The following CSMD1 variants were observed in gnomAD, a reference collection of about 807,000 sequenced individuals.
CSMD1 encodes the protein CUB and Sushi multiple domains 1.
CSMD1 carries 213 observed loss-of-function variants against 417.5 expected under a neutral mutation model. That is an observed-to-expected ratio of 0.51 (90% CI 0.46 to 0.57). The LOEUF is 0.57. CSMD1 is among the 20% of genes least tolerant of loss of function. CSMD1 has a pLI of 0.00. For missense variants in CSMD1, 6,923 were observed against 4,529.7 expected (o/e 1.53, Z -15.17); for synonymous variants, 2,862 against 1,736.8 (o/e 1.65, Z -16.11).
intron 50 of CSMD1, among the ~76,000 whole-genome samples, chr8:3,045,907 C>G (rs1811402190): frequency 6.6e-6 from 1 of 152,084 alleles, no homozygotes. Flanking sequence ...CTATTGGAAG[C>G]AAGAGTGGAA....
chr8:3,307,179 G>A (rs931062614), intron 25 of CSMD1, among the ~76,000 whole-genome samples: 5 of 151,996 alleles, frequency 3.3e-5, no homozygotes, highest in Non-Finnish European at 1.5e-5. Flanking sequence ...CTTTGACAAA[G>A]GGCACCTTAG....
chr8:3,771,745 G>A (rs1002625715), intron 5 of CSMD1, among the ~76,000 whole-genome samples: 4 of 152,186 alleles, frequency 2.6e-5, no homozygotes, highest in African/African-American at 9.7e-5. Context: ...CATTGACTGT[G>A]TGTGTTCAAA....
At chr8:3,906,186 G>T (rs1454798075) in intron 5 of CSMD1, among the ~76,000 whole-genome samples, 1 of 152,058 alleles carries the variant, frequency 6.6e-6, no homozygotes, top group South Asian at 2.1e-4. Flanking sequence ...ATGGGTTAAT[G>T]TAAGTGAATC....
intron 2 of CSMD1, among the ~76,000 whole-genome samples, chr8:4,466,343 G>A (rs1165408752): frequency 1.3e-5 from 2 of 152,080 alleles, no homozygotes; most frequent in South Asian, 2.1e-4. Flanking sequence ...AAGAAAAGTT[G>A]ACAGAGGTTG....
intron 5 of CSMD1, among the ~76,000 whole-genome samples, chr8:3,800,734 G>C (rs1800408665): frequency 6.6e-6 from 1 of 152,082 alleles, no homozygotes; most frequent in African/African-American, 2.4e-5. Flanking sequence ...TGAAGGAAAA[G>C]ATTAGTTTTG....
rs190016517 is a variant in CSMD1, at chr8:4,470,764, C to A, written c.303-50699G>T. Among the ~76,000 whole-genome samples the A allele has an allele frequency of 2.6e-5, 4 of 152,182 alleles. No homozygotes were observed. In the East Asian group the frequency reaches 5.8e-4, roughly 22 times the overall value. On this transcript the variant is annotated intron_variant, in intron 2 of 69. Coordinates refer to ENST00000635120, the MANE Select transcript of CSMD1 (RefSeq NM_033225.6). ...AACACCATGAATGACTTAATTGGACCCAGATTATTTAGACAATATTTAAGG... is the reference window on the plus strand; with the variant it reads ...AACACCATGAATGACTTAATTGGACACAGATTATTTAGACAATATTTAAGG...
At chr8:3,895,119 G>A (rs761495784) in intron 5 of CSMD1, among the ~76,000 whole-genome samples, 1 of 152,146 alleles carries the variant, frequency 6.6e-6, no homozygotes, top group Non-Finnish European at 1.5e-5. Flanking sequence ...GATTAAATGT[G>A]ATTCATGAAT....
At chr8:2,956,416 T>C (rs1803011704) in intron 63 of CSMD1, among the ~76,000 whole-genome samples, 1 of 152,014 alleles carries the variant, frequency 6.6e-6, no homozygotes, top group Non-Finnish European at 1.5e-5. Flanking sequence ...GACATATTAT[T>C]ATAAAACAAG....
chr8:3,471,751 G>T (rs1261236246), intron 11 of CSMD1, among the ~76,000 whole-genome samples: 1 of 145,284 alleles, frequency 6.9e-6, no homozygotes, highest in African/African-American at 2.5e-5. Flanking sequence ...CCTAAGATAA[G>T]TGAATATATA....
intron 3 of CSMD1, among the ~76,000 whole-genome samples, chr8:4,086,721 A>T (rs2130832771): frequency 6.6e-6 from 1 of 152,366 alleles, no homozygotes; most frequent in Non-Finnish European, 1.5e-5. Flanking sequence ...TAGATAGATG[A>T]CATTGACAAG....
chr8:2,950,637 ATC>A (rs1303446848), intron 66 of CSMD1, among the ~76,000 whole-genome samples: 1 of 152,140 alleles, frequency 6.6e-6, no homozygotes, highest in East Asian at 1.9e-4. Flanking sequence ...TAATTAAAAA[ATC>A]TCTCTCTAAA....
At chr8:3,332,029 G>C (rs1321247294) in intron 23 of CSMD1, among the ~76,000 whole-genome samples, 1 of 152,142 alleles carries the variant, frequency 6.6e-6, no homozygotes, top group Non-Finnish European at 1.5e-5. Flanking sequence ...GATGGATATA[G>C]ACAGAATGAT....
intron 3 of CSMD1, among the ~76,000 whole-genome samples, chr8:4,419,200 G>A (rs1033801986): frequency 3.9e-5 from 6 of 152,134 alleles, no homozygotes; most frequent in Non-Finnish European, 7.4e-5. Flanking sequence ...TAAATTTACA[G>A]ACTCCAGAGT....
intron 3 of CSMD1, among the ~76,000 whole-genome samples, chr8:4,059,551 C>A (rs1486630277): frequency 6.6e-6 from 1 of 151,448 alleles, no homozygotes; most frequent in Non-Finnish European, 1.5e-5. Flanking sequence ...GCTAGCAAGA[C>A]TAATAAAGAA....
Position 3,439,309 on chromosome 8 carries a change from ATTT to A in CSMD1, c.1561+29400_1561+29402del, listed in dbSNP as rs1554552766. On this transcript the variant is annotated intron_variant, in intron 12 of 69. Transcript: ENST00000635120. ...TATATATATATATATATATATATAT[ATTT>A]TTTTTTTTAATATGTATTTTTAATT... is the stretch of plus-strand genomic sequence containing the variant. Among the ~76,000 whole-genome samples, 23 of 62,430 alleles carry A rather than the reference ATTT, an allele frequency of 3.7e-4. 1 individual carries two copies. Among genetic ancestry groups the A allele is most frequent in the South Asian group, 7.5e-4 (1 of 1,326 alleles). 41.0% of individuals were successfully genotyped at this position (62,430 alleles called of 152,430 possible).
chr8:3,804,550 A>G (rs1800626654), intron 5 of CSMD1, among the ~76,000 whole-genome samples: 2 of 152,218 alleles, frequency 1.3e-5, no homozygotes, highest in Admixed American at 6.5e-5. Flanking sequence ...AAATGAGATT[A>G]GCAAAATGCA....
chr8:3,623,793 T>G (rs1011104311), intron 7 of CSMD1, among the ~76,000 whole-genome samples: 3 of 151,970 alleles, frequency 2.0e-5, no homozygotes, highest in Admixed American at 2.0e-4. Flanking sequence ...CTGAACAACA[T>G]GGAGAAACCC....
At chr8:3,367,280 A>G (rs1433786580) in intron 19 of CSMD1, 33 bp from the exon 20 acceptor site, 1 of 1,497,784 alleles carries the variant, frequency 6.7e-7, no homozygotes, top group Admixed American at 1.8e-5. Context: ...AGAGAGAGAG[A>G]CAGAGAGAGA....
At chr8:4,658,052 A>G (rs968696017) in intron 1 of CSMD1, among the ~76,000 whole-genome samples, 7 of 152,106 alleles carry the variant, frequency 4.6e-5, no homozygotes, top group Admixed American at 4.6e-4. Context: ...AAAAATATTC[A>G]GTATGAAGGG....
Sources: allele counts gnomAD v4.1 joint callset (sites outside exome capture counted in the v4.1 genomes callset), GRCh38; gene constraint gnomAD v4.1.1; transcripts MANE v1.5; gene names NCBI Gene and HGNC (gene_info 2026-07-23, HGNC 2026-07-21).